XKR6: variants seen among roughly 807,000 people sequenced by gnomAD.
The protein encoded by XKR6 is XK related 6.
A neutral mutation model predicts 56.7 loss-of-function variants in XKR6; 22 were observed. That is an observed-to-expected ratio of 0.39 (90% CI 0.28 to 0.55). XKR6 has a LOEUF of 0.55. XKR6 is among the 20% of genes least tolerant of loss of function. The probability of loss-of-function intolerance (pLI) is 0.66; values close to 1 mark genes in which losing one functional copy is unlikely to be tolerated. For synonymous variants in XKR6, 524 were observed against 387.8 expected, an observed-to-expected ratio of 1.35 and a Z score of -4.13; for missense variants, 852 against 889.0, an observed-to-expected ratio of 0.96 and a Z score of 0.53.
chr8:10,944,992 G>C (rs942457000), intron 1 of XKR6, among the ~76,000 whole-genome samples: 8 of 152,122 alleles, frequency 5.3e-5, no homozygotes, highest in Non-Finnish European at 1.2e-4. Context: ...GGCAGAATGC[G>C]GTAGATGTCG....
At chr8:10,945,730 A>G (rs1801514838) in intron 1 of XKR6, among the ~76,000 whole-genome samples, 1 of 152,192 alleles carries the variant, frequency 6.6e-6, no homozygotes. Context: ...AACTCTGGAA[A>G]GTTCATATGT....
At chr8:10,913,484 C>T (rs1260782591) in intron 2 of XKR6, among the ~76,000 whole-genome samples, 2 of 152,172 alleles carry the variant, frequency 1.3e-5, no homozygotes, top group Non-Finnish European at 2.9e-5. Context: ...CAGCCAAAGC[C>T]TTGATAAGGA....
chr8:10,991,529 G>A (rs969714560), intron 1 of XKR6, among the ~76,000 whole-genome samples: 4 of 152,084 alleles, frequency 2.6e-5, no homozygotes, highest in Admixed American at 6.6e-5. Context: ...TCTTTTCTGG[G>A]TCCTCGGGGT....
intron 1 of XKR6, among the ~76,000 whole-genome samples, chr8:11,000,497 C>A (rs1162741091): frequency 6.6e-6 from 1 of 152,066 alleles, no homozygotes; most frequent in Non-Finnish European, 1.5e-5. Context: ...ACCAGCCTAG[C>A]CAGCATGGTG....
intron 1 of XKR6, among the ~76,000 whole-genome samples, chr8:11,197,876 C>T (rs11989369): frequency 0.32 from 48,379 of 152,120 alleles, 8,244 homozygotes; most frequent in Middle Eastern, 0.37. Context: ...GTGTTGTGCT[C>T]TGTCCAAGCT....
intron 1 of XKR6, among the ~76,000 whole-genome samples, chr8:11,000,125 C>A (rs570648193): frequency 6.6e-6 from 1 of 152,200 alleles, no homozygotes; most frequent in East Asian, 1.9e-4. Flanking sequence ...CTCTCAGAGG[C>A]ACCAAGACTA....
intron 1 of XKR6, chr8:11,137,611 A>G (rs1297598393): frequency 2.2e-6 from 1 of 456,154 alleles, no homozygotes; most frequent in Non-Finnish European, 4.4e-6. Context: ...CTTCTACACC[A>G]AATGAACTCA....
intron 1 of XKR6, among the ~76,000 whole-genome samples, chr8:10,996,557 C>T (rs550600403): frequency 1.3e-5 from 2 of 152,220 alleles, no homozygotes; most frequent in South Asian, 4.1e-4. Flanking sequence ...AACAGAACAC[C>T]ATACACCCCC....
intron 1 of XKR6, among the ~76,000 whole-genome samples, chr8:11,172,850 C>A (rs1196448086): frequency 6.6e-6 from 1 of 152,068 alleles, no homozygotes; most frequent in Non-Finnish European, 1.5e-5. Flanking sequence ...AGAAGATTCA[C>A]GGGGAAAACA....
chr8:10,910,862 T>C (rs540133487), intron 2 of XKR6, among the ~76,000 whole-genome samples: 1 of 152,214 alleles, frequency 6.6e-6, no homozygotes, highest in Non-Finnish European at 1.5e-5. Context: ...CCAGCTGGCA[T>C]GGCACAAGGC....
intron 1 of XKR6, chr8:11,035,411 A>G: frequency 2.0e-6 from 1 of 506,760 alleles, no homozygotes; most frequent in South Asian, 1.5e-5. Context: ...ACTCCAGGAA[A>G]GAGAGAAGAT....
chr8:10,923,719 C>A (rs548812769), intron 2 of XKR6, among the ~76,000 whole-genome samples: 6 of 152,286 alleles, frequency 3.9e-5, no homozygotes, highest in African/African-American at 1.4e-4. Flanking sequence ...CACGGAGGGC[C>A]TCCTGGGGCA....
chr8:10,970,919 C>G (rs1405855879), intron 1 of XKR6, among the ~76,000 whole-genome samples: 1 of 151,802 alleles, frequency 6.6e-6, no homozygotes, highest in Non-Finnish European at 1.5e-5. Flanking sequence ...AGGTCTCTCT[C>G]CTAAGGAGAA....
intron 1 of XKR6, among the ~76,000 whole-genome samples, chr8:11,054,747 G>T (rs1457532743): frequency 2.0e-5 from 3 of 152,184 alleles, no homozygotes; most frequent in Non-Finnish European, 4.4e-5. Context: ...GGTGGACGGG[G>T]TGTGATATTG....
chr8:10,947,044 C>T (rs534425322), intron 1 of XKR6, among the ~76,000 whole-genome samples: 49 of 152,196 alleles, frequency 3.2e-4, no homozygotes, highest in Non-Finnish European at 5.7e-4. Flanking sequence ...ATGCAGGAGG[C>T]AGGCATGGTG....
At chr8:11,158,289 C>T (rs901367560) in intron 1 of XKR6, among the ~76,000 whole-genome samples, 2 of 152,108 alleles carry the variant, frequency 1.3e-5, no homozygotes, top group Non-Finnish European at 2.9e-5. Flanking sequence ...AAAAGTAACA[C>T]TTAGAATAGG....
At chr8:10,910,047 T>C (rs373586866) in intron 2 of XKR6, among the ~76,000 whole-genome samples, 5 of 152,012 alleles carry the variant, frequency 3.3e-5, no homozygotes, top group Non-Finnish European at 7.4e-5. Context: ...AGCAATGCAA[T>C]GATTCTTAAC....
intron 1 of XKR6, among the ~76,000 whole-genome samples, chr8:11,165,824 G>A (rs1175219196): frequency 1.3e-5 from 2 of 152,040 alleles, no homozygotes; most frequent in African/African-American, 4.8e-5. Context: ...GGTAGAACTT[G>A]TCTTCTCCTG....
At chr8:11,045,975 C>T (rs991348986) in intron 1 of XKR6, among the ~76,000 whole-genome samples, 6 of 152,180 alleles carry the variant, frequency 3.9e-5, no homozygotes, top group Admixed American at 3.3e-4. Flanking sequence ...TACCCTTGTG[C>T]GCTGTTGTTG....
Sources: gnomAD v4.1 joint callset for allele counts (sites outside exome capture counted in the v4.1 genomes callset) on GRCh38, gnomAD v4.1.1 for gene constraint, MANE v1.5 for transcripts, NCBI Gene and HGNC (gene_info 2026-07-23, HGNC 2026-07-21) for gene names.